Variants in RHOBTB1 observed in about 807,000 individuals in gnomAD.
The protein encoded by RHOBTB1 is Rho related BTB domain containing 1, also known as rho-related BTB domain-containing protein 1.
Under a neutral mutation model 71.6 loss-of-function variants are expected in RHOBTB1, and 40 were observed. The observed-to-expected ratio is 0.56, with a 90% confidence interval of 0.43 to 0.73. The LOEUF (loss-of-function observed/expected upper bound fraction) is 0.73. RHOBTB1 is among the 30% of genes least tolerant of loss of function. The pLI, the probability that RHOBTB1 is intolerant of heterozygous loss-of-function variation, is 0.00. For missense variants in RHOBTB1, 797 were observed against 894.0 expected, an observed-to-expected ratio of 0.89 and a Z score of 1.38; for synonymous variants, 319 against 334.9, an observed-to-expected ratio of 0.95 and a Z score of 0.52.
intron 1 of RHOBTB1, among the ~76,000 whole-genome samples, chr10:60,990,750 G>A (rs2086835949): frequency 6.6e-6 from 1 of 152,030 alleles, no homozygotes; most frequent in Non-Finnish European, 1.5e-5. Context: ...AGGCATTTTG[G>A]CCTCAGTGTT....
At chr10:60,934,227 G>T (rs2084432699) in intron 2 of RHOBTB1, among the ~76,000 whole-genome samples, 1 of 152,142 alleles carries the variant, frequency 6.6e-6, no homozygotes, top group Non-Finnish European at 1.5e-5. Flanking sequence ...AACTTTATGT[G>T]AACTGCCTTT....
rs180951852 is a variant in RHOBTB1 at position 60,933,586 on chromosome 10, G to A, written c.-11+8218C>T. Among the ~76,000 whole-genome samples, 669 of 152,186 alleles carry A rather than the reference G, an allele frequency of 4.4e-3. 2 individuals are homozygous for A. The highest frequency in any genetic ancestry group is 7.4e-3 in the Non-Finnish European group (501 of 68,006). ...AATATAAAAATTAGCTGGGTGTGGT[G>A]GCACGTGCCTGTAGTCCAAGCTAGT... On this transcript the variant is annotated intron_variant, in intron 2 of 10. Coordinates refer to ENST00000337910, the MANE Select transcript of RHOBTB1 (RefSeq NM_014836.5).
chr10:60,872,688 C>T (rs955021362), intron 9 of RHOBTB1, among the ~76,000 whole-genome samples: 36 of 152,108 alleles, frequency 2.4e-4, no homozygotes, highest in African/African-American at 8.2e-4. Flanking sequence ...CTTCGTGTCG[C>T]ATGTCAGAGC....
intron 4 of RHOBTB1, among the ~76,000 whole-genome samples, chr10:60,906,333 G>A (rs1017207465): frequency 1.3e-5 from 2 of 152,238 alleles, no homozygotes; most frequent in South Asian, 2.1e-4. Context: ...GTTATTTGTT[G>A]TGGAATAAAG....
At chr10:60,917,516 GCT>G (rs1564953047) in intron 2 of RHOBTB1, among the ~76,000 whole-genome samples, 1 of 151,880 alleles carries the variant, frequency 6.6e-6, no homozygotes, top group Admixed American at 6.5e-5. Flanking sequence ...TCTGGTGAGG[GCT>G]CTCTTCCTGG....
chr10:60,927,056 A>G (rs2083926849), intron 2 of RHOBTB1, among the ~76,000 whole-genome samples: 1 of 152,256 alleles, frequency 6.6e-6, no homozygotes, highest in Non-Finnish European at 1.5e-5. Context: ...TAAAATAAGT[A>G]GCATTGCTAT....
chr10:60,890,373 G>A (rs2081858517), intron 5 of RHOBTB1, among the ~76,000 whole-genome samples: 3 of 152,016 alleles, frequency 2.0e-5, no homozygotes, highest in Non-Finnish European at 4.4e-5. Context: ...TGACCTGGCG[G>A]CAGTTCTGTT....
chr10:60,893,399 G>A (rs1427426554), intron 4 of RHOBTB1, among the ~76,000 whole-genome samples: 1 of 152,188 alleles, frequency 6.6e-6, no homozygotes, highest in Non-Finnish European at 1.5e-5. Flanking sequence ...TAAAGGTGAT[G>A]ATGACTCATC....
the RHOBTB1 span, among the ~76,000 whole-genome samples, chr10:60,861,077 G>A: frequency 6.6e-6 from 1 of 152,172 alleles, no homozygotes; most frequent in Non-Finnish European, 1.5e-5. Flanking sequence ...GGCTTCCCAA[G>A]ATAAGAGGTA....
chr10:60,896,058 C>T (rs2082146431), intron 4 of RHOBTB1, among the ~76,000 whole-genome samples: 1 of 152,186 alleles, frequency 6.6e-6, no homozygotes, highest in Non-Finnish European at 1.5e-5. Context: ...GATTTTGAGC[C>T]ATTTTTTTTT....
intron 1 of RHOBTB1, among the ~76,000 whole-genome samples, chr10:60,993,540 T>G (rs910083155): frequency 8.5e-5 from 13 of 152,154 alleles, no homozygotes; most frequent in African/African-American, 2.9e-4. Flanking sequence ...AGAACAAAAT[T>G]TGTTACTATC....
chr10:60,988,620 C>T lies in RHOBTB1; in HGVS notation c.-162-2675G>A, dbSNP rs143005753. Among the ~76,000 whole-genome samples, 1,266 of 152,226 alleles carry T rather than the reference C, an allele frequency of 8.3e-3. 15 individuals are homozygous for T. Among genetic ancestry groups the T allele is most frequent in the Non-Finnish European group, 8.5e-3 (581 of 68,010 alleles). Reference sequence around the variant, plus strand: ...TGGCCTCCAGCTGCATTCACATTGTCGCAAGGGACATGATTTTGTTACTTT... The same window carrying T: ...TGGCCTCCAGCTGCATTCACATTGTTGCAAGGGACATGATTTTGTTACTTT... On this transcript the variant is annotated intron_variant, in intron 1 of 11. Transcript: ENST00000357917.
At chr10:60,869,097 A>G (rs1432967087), downstream of RHOBTB1, among the ~76,000 whole-genome samples, 1 of 152,196 alleles carries the variant, frequency 6.6e-6, no homozygotes, top group Admixed American at 6.5e-5. Context: ...CAGACCTATC[A>G]CTCAACTGCT....
intron 2 of RHOBTB1, among the ~76,000 whole-genome samples, chr10:60,924,696 T>C (rs960528489): frequency 6.6e-6 from 1 of 152,186 alleles, no homozygotes; most frequent in Admixed American, 6.5e-5. Context: ...AGAATACATA[T>C]TCTTCTCCTT....
chr10:60,947,528 A>C (rs987688263), upstream of RHOBTB1, among the ~76,000 whole-genome samples: 5 of 151,914 alleles, frequency 3.3e-5, no homozygotes, highest in Non-Finnish European at 7.4e-5. Flanking sequence ...GAGTTTTTTT[A>C]TTGTGAGACT....
chr10:60,910,275 A>G (rs901396098), intron 4 of RHOBTB1, among the ~76,000 whole-genome samples: 1 of 152,210 alleles, frequency 6.6e-6, no homozygotes, highest in Non-Finnish European at 1.5e-5. Flanking sequence ...TCCTACCCAT[A>G]TTAATGTCCT....
At chr10:60,990,416 A>G (rs2086823176) in intron 1 of RHOBTB1, among the ~76,000 whole-genome samples, 1 of 152,218 alleles carries the variant, frequency 6.6e-6, no homozygotes, top group Admixed American at 6.5e-5. Context: ...CAAGACATGA[A>G]CACGTAAAAT....
chr10:60,979,943 A>G (rs1434794326), intron 2 of RHOBTB1, among the ~76,000 whole-genome samples: 1 of 152,176 alleles, frequency 6.6e-6, no homozygotes, highest in East Asian at 1.9e-4. Context: ...AACACACTAT[A>G]TGTTCTGGCA....
chr10:60,988,155 C>T (rs1350697138), intron 1 of RHOBTB1, among the ~76,000 whole-genome samples: 1 of 151,480 alleles, frequency 6.6e-6, no homozygotes, highest in African/African-American at 2.4e-5. Flanking sequence ...AGGATGGTCT[C>T]GACCTCCTGA....
Sources: allele counts gnomAD v4.1 joint callset (sites outside exome capture counted in the v4.1 genomes callset), GRCh38; gene constraint gnomAD v4.1.1; transcripts MANE v1.5; gene names NCBI Gene and HGNC (gene_info 2026-07-23, HGNC 2026-07-21).